The following SLC26A7 variants were observed in gnomAD, a reference collection of about 807,000 sequenced individuals.
SLC26A7 encodes solute carrier family 26 member 7.
SLC26A7 carries 59 observed loss-of-function variants against 82.5 expected under a neutral mutation model. That is an observed-to-expected ratio of 0.72 (90% CI 0.58 to 0.89). SLC26A7 has a LOEUF of 0.89. Among genes scored for constraint, SLC26A7 ranks in the 40% least tolerant of loss-of-function variants. The pLI is 0.00. For missense variants in SLC26A7, 820 were observed against 793.0 expected (o/e 1.03, Z -0.41); for synonymous variants, 271 against 274.3 (o/e 0.99, Z 0.12).
rs1198646089 is a variant in SLC26A7, at chr8:91,395,677, C to T, written c.*580C>T. 2.0e-5 allele frequency: 3 copies of T among 152,298 alleles called. No homozygotes were observed. Among genetic ancestry groups the T allele is most frequent in the African/African-American group, 7.2e-5 (3 of 41,550 alleles). The allele number at this position is 152,298 out of a possible 1,614,324, so 9.4% of individuals were successfully genotyped here. On this transcript the variant is annotated 3_prime_UTR_variant, in exon 19 of 19. Transcript: ENST00000276609. ...GGAAATAATTCGTTTCCATATCTTTCCATACATCCATTTCTGAAGTATTCA... is the reference window on the plus strand; with the variant it reads ...GGAAATAATTCGTTTCCATATCTTTTCATACATCCATTTCTGAAGTATTCA...
intron 2 of SLC26A7, among the ~76,000 whole-genome samples, chr8:91,276,678 A>G (rs1171022278): frequency 6.6e-6 from 1 of 152,178 alleles, no homozygotes; most frequent in Non-Finnish European, 1.5e-5. Context: ...TTCACACTGG[A>G]CTGTCCCTCT....
chr8:91,213,384 C>G (rs1348666458), intron 1 of SLC26A7, among the ~76,000 whole-genome samples: 1 of 152,074 alleles, frequency 6.6e-6, no homozygotes. Flanking sequence ...CTTGGCAAAT[C>G]CCAATGTATG....
intron 13 of SLC26A7, among the ~76,000 whole-genome samples, chr8:91,365,418 GGTTGGACAA>G (rs1188350934): frequency 3.9e-5 from 6 of 152,304 alleles, no homozygotes; most frequent in African/African-American, 1.2e-4. Flanking sequence ...ACAGGCCATG[GGTTGGACAA>G]GTTTGACATA....
At chr8:91,244,886 C>A (rs1369048765), upstream of SLC26A7, among the ~76,000 whole-genome samples, 1 of 151,818 alleles carries the variant, frequency 6.6e-6, no homozygotes, top group Non-Finnish European at 1.5e-5. Flanking sequence ...CAAAATAGAT[C>A]ACAGAATATG....
intron 2 of SLC26A7, among the ~76,000 whole-genome samples, chr8:91,234,796 CCTA>C (rs1249502146): frequency 3.0e-3 from 191 of 63,340 alleles, no homozygotes; most frequent in African/African-American, 7.6e-3. Context: ...TCCCTCCCTA[CCTA>C]CCTACCTACC....
At chr8:91,258,131 G>A (rs1198626418) in intron 2 of SLC26A7, among the ~76,000 whole-genome samples, 2 of 152,128 alleles carry the variant, frequency 1.3e-5, no homozygotes, top group South Asian at 2.1e-4. Context: ...TACAATTAAG[G>A]TGAGATTTTG....
chr8:91,210,931 A>G (rs1809902522), intron 1 of SLC26A7, among the ~76,000 whole-genome samples: 1 of 152,152 alleles, frequency 6.6e-6, no homozygotes, highest in Non-Finnish European at 1.5e-5. Context: ...AAATCCATAC[A>G]TAGACACATT....
chr8:91,396,604 C>A lies in SLC26A7; in HGVS notation c.*1507C>A, dbSNP rs1443713489. ...TTTGAATTCTTATAACATATCCAGC[C>A]ATTTCAATTTTGATTGAAATGAACT... On this transcript the variant is annotated 3_prime_UTR_variant, in exon 19 of 19. Transcript: ENST00000276609. 6.6e-6 allele frequency: 1 copy of A among 151,936 alleles called. No homozygotes were observed. Among genetic ancestry groups the A allele is most frequent in the Non-Finnish European group, 1.5e-5 (1 of 67,874 alleles). 9.4% of individuals were successfully genotyped at this position (151,936 alleles called of 1,614,324 possible).
rs1297024413 is a variant in SLC26A7, at chr8:91,338,124, T to G, written c.796-26T>G. ...GAGAGGTCAGTAATGTATATATTTT[T>G]TCTTTTTTCAAATGGAACCACACAG... is the stretch of plus-strand genomic sequence containing the variant. On this transcript the variant is annotated intron_variant, in intron 6 of 18. Transcript: ENST00000276609. The G allele has an allele frequency of 2.5e-6, 4 of 1,570,004 alleles. No individual in the cohort carries two copies. The East Asian group carries it at 9.1e-5, about 36-fold the overall frequency.
At chr8:91,358,924 C>G (rs542673009) in intron 11 of SLC26A7, among the ~76,000 whole-genome samples, 1 of 150,954 alleles carries the variant, frequency 6.6e-6, no homozygotes, top group Non-Finnish European at 1.5e-5. Context: ...ACACCAGGGC[C>G]GGTTGTGGGT....
chr8:91,394,838 AC>A, intron 18 of SLC26A7: 1 of 826,224 alleles, frequency 1.2e-6, no homozygotes, highest in Non-Finnish European at 1.7e-6. Flanking sequence ...AAGGAAACTG[AC>A]CAGGGAAATT....
At chr8:91,223,212 ATTC>A (rs773627260) in intron 2 of SLC26A7, among the ~76,000 whole-genome samples, 9 of 149,426 alleles carry the variant, frequency 6.0e-5, no homozygotes, top group Middle Eastern at 3.2e-3. Context: ...TGTCTATTTG[ATTC>A]TTCTCTCTCT....
At chr8:91,274,800 C>A (rs573292425) in intron 2 of SLC26A7, among the ~76,000 whole-genome samples, 1 of 152,288 alleles carries the variant, frequency 6.6e-6, no homozygotes, top group South Asian at 2.1e-4. Context: ...TTTTATACTT[C>A]TAGATTTTAG....
At chr8:91,340,203 T>C (rs920532145) in intron 7 of SLC26A7, among the ~76,000 whole-genome samples, 1 of 152,200 alleles carries the variant, frequency 6.6e-6, no homozygotes, top group Non-Finnish European at 1.5e-5. Flanking sequence ...GCTGTCCCTG[T>C]GGTGTTCCTT....
chr8:91,388,425 A>G (rs1279686047), intron 15 of SLC26A7, among the ~76,000 whole-genome samples: 1 of 152,132 alleles, frequency 6.6e-6, no homozygotes, highest in African/African-American at 2.4e-5. Flanking sequence ...TCCCAACTTG[A>G]GAAAGAACCA....
At chr8:91,333,069 C>T (rs1005850498) in intron 5 of SLC26A7, among the ~76,000 whole-genome samples, 2 of 152,036 alleles carry the variant, frequency 1.3e-5, no homozygotes, top group Admixed American at 1.3e-4. Context: ...TATTTCAGCA[C>T]CTAATTTAGG....
chr8:91,341,385 C>T (rs1813409709), intron 8 of SLC26A7, among the ~76,000 whole-genome samples: 1 of 152,020 alleles, frequency 6.6e-6, no homozygotes. Flanking sequence ...TCCAGTCTAT[C>T]ACGATTGCAT....
At position 91,341,553 on chromosome 8, in the gene SLC26A7, C is replaced by T. The variant is rs565424131; in HGVS notation, c.1026+1002C>T. On this transcript the variant is annotated intron_variant, in intron 8 of 18. Transcript: ENST00000276609. ...CTCTGTGCACCAATTTTCTCATCTT[C>T]ACAAAAGTAGATTTATTCATTCCAC... Among the ~76,000 whole-genome samples the T allele has an allele frequency of 3.3e-5, 5 of 152,314 alleles. No homozygotes were observed. In the South Asian group the frequency reaches 1.0e-3, roughly 32 times the overall value.
chr8:91,264,856 T>C (rs1811066944), intron 2 of SLC26A7, among the ~76,000 whole-genome samples: 1 of 152,096 alleles, frequency 6.6e-6, no homozygotes, highest in African/African-American at 2.4e-5. Flanking sequence ...GTAGTTATCA[T>C]GTCTATCACT....
Sources: gnomAD v4.1 joint callset for allele counts (sites outside exome capture counted in the v4.1 genomes callset) on GRCh38, gnomAD v4.1.1 for gene constraint, MANE v1.5 for transcripts, NCBI Gene and HGNC (gene_info 2026-07-23, HGNC 2026-07-21) for gene names.